The following KIAA0586 variants were observed in gnomAD, a reference collection of about 807,000 sequenced individuals.
The protein encoded by KIAA0586 is KIAA0586, also known as protein TALPID3.
Under a neutral mutation model 169.8 loss-of-function variants are expected in KIAA0586, and 144 were observed. That is an observed-to-expected ratio of 0.85 (90% CI 0.74 to 0.97). KIAA0586 has a LOEUF of 0.97. KIAA0586 is among the 50% of genes least tolerant of loss of function. The pLI is 0.00. For synonymous variants in KIAA0586, 625 were observed against 612.4 expected (o/e 1.02, Z -0.30); for missense variants, 1,854 against 1,823.0 (o/e 1.02, Z -0.31).
chr14:58,542,425 C>T (rs1420343649), intron 30 of KIAA0586, among the ~76,000 whole-genome samples: 1 of 150,640 alleles, frequency 6.6e-6, no homozygotes, highest in East Asian at 2.0e-4. Context: ...TGCAGTGAGC[C>T]AAGATCATGC....
At chr14:58,471,767 C>T (rs1033000286) in intron 17 of KIAA0586, among the ~76,000 whole-genome samples, 2 of 151,702 alleles carry the variant, frequency 1.3e-5, no homozygotes, top group Admixed American at 1.3e-4. Context: ...TATAATGAGG[C>T]CTAATGATTA....
chr14:58,438,228 G>A (rs529506644), intron 4 of KIAA0586, among the ~76,000 whole-genome samples: 11 of 152,058 alleles, frequency 7.2e-5, no homozygotes, highest in East Asian at 3.9e-4. Context: ...TTTATATGTC[G>A]TAGCTCTTTA....
At chr14:58,537,573 C>T (rs1234923312) in intron 29 of KIAA0586, among the ~76,000 whole-genome samples, 1 of 152,214 alleles carries the variant, frequency 6.6e-6, no homozygotes, top group East Asian at 1.9e-4. Context: ...TTCTGTCCCT[C>T]TCTAACTCTT....
intron 26 of KIAA0586, among the ~76,000 whole-genome samples, chr14:58,498,123 G>A (rs1054478418): frequency 2.6e-5 from 4 of 151,860 alleles, no homozygotes; most frequent in Non-Finnish European, 5.9e-5. Flanking sequence ...GTGATCCGCC[G>A]CCTCGGCCTC....
At chr14:58,462,163 TAGAA>T (rs1273436379) in intron 14 of KIAA0586, among the ~76,000 whole-genome samples, 2 of 152,082 alleles carry the variant, frequency 1.3e-5, no homozygotes, top group Non-Finnish European at 2.9e-5. Flanking sequence ...TAATTTAAAA[TAGAA>T]AGCATATAGC....
chr14:58,498,901 A>G lies in KIAA0586; in HGVS notation c.4109A>G (p.Gln1370Arg), dbSNP rs2043352191. The G allele has an allele frequency of 6.2e-7, 1 of 1,612,138 alleles. No individual in the cohort carries two copies. Among genetic ancestry groups the G allele is most frequent in the African/African-American group, 1.3e-5 (1 of 74,928 alleles). The part of the protein sequence containing the change: ...LYMQPPVTNT[Q>R]SLDQQCDPKP... ...ATGCAGCCACCTGTCACTAATACACAGTCTTTGGATCAACAATGTGATCCT... is the reference window on the plus strand; with the variant it reads ...ATGCAGCCACCTGTCACTAATACACGGTCTTTGGATCAACAATGTGATCCT... The change falls in exon 27 of 31, where the codon CAG becomes CGG. Residue 1370 changes from glutamine to arginine, a missense_variant. Gln to Arg is a conservative substitution (Grantham distance 43). Transcript: ENST00000652326.
intron 6 of KIAA0586, among the ~76,000 whole-genome samples, chr14:58,444,490 C>T (rs1231484092): frequency 7.2e-5 from 11 of 152,194 alleles, no homozygotes; most frequent in Admixed American, 2.0e-4. Context: ...GTAGTAGAAT[C>T]TCCAGTCACT....
At chr14:58,540,271 A>C in intron 30 of KIAA0586, 135 bp downstream of exon 30, 1 of 581,584 alleles carries the variant, frequency 1.7e-6, no homozygotes, top group Non-Finnish European at 3.0e-6. Flanking sequence ...TAATATCTGT[A>C]AATTCACCCC....
In KIAA0586 at chr14:58,467,904, T is replaced by A. The variant is rs771074140; in HGVS notation, c.2424T>A (p.Pro808=). 1.9e-6 allele frequency: 3 copies of A among 1,611,954 alleles called. No individual in the cohort carries two copies. Among genetic ancestry groups the A allele is most frequent in the East Asian group, 4.5e-5 (2 of 44,878 alleles). The change falls in exon 16 of 31, where the codon CCT becomes CCA. Residue 808 remains proline (P), a synonymous_variant. Transcript: ENST00000652326. ...IVEMKSEKKD[P]PQLTVQVLPS... ...AAATGAAGTCAGAAAAAAAGGATCC[T>A]CCTCAGCTTACTGTGCAGGTATGCC...
intron 1 of KIAA0586, 45 bp from the exon 2 acceptor site, chr14:58,429,318 G>A: frequency 8.7e-7 from 1 of 1,143,984 alleles, no homozygotes; most frequent in East Asian, 2.3e-5. Flanking sequence ...TAAAGCTAAG[G>A]ATCTGATTTT....
Position 58,482,671 on chromosome 14 carries a change from G to C in KIAA0586, c.3103G>C (p.Gly1035Arg). ...AAAGAAGCAAGGTCCTGTTGCTACA[G>C]GTGTTTCTGGGGATGCTTCAACAAA... ...EAKKQGPVAT[G>R]VSGDASTNET... is the part of the protein sequence containing the mutation. Residue 1035 changes from glycine to arginine, a missense_variant, in exon 21 of 31, where the codon GGT becomes CGT. By Grantham distance (125) the Gly-to-Arg change is moderately radical. Coordinates refer to ENST00000652326, the MANE Select transcript of KIAA0586 (RefSeq NM_001329943.3). 1 of 1,588,428 alleles carries C rather than the reference G, an allele frequency of 6.3e-7. No homozygotes were observed. Among genetic ancestry groups the C allele is most frequent in the Non-Finnish European group, 8.6e-7 (1 of 1,169,226 alleles).
chr14:58,460,944 A>C (rs762724629), intron 13 of KIAA0586, 42 bp from the exon 14 acceptor site: 5 of 1,417,842 alleles, frequency 3.5e-6, no homozygotes, highest in Non-Finnish European at 3.7e-6. Flanking sequence ...TAAGTGTTTG[A>C]TGACTGTTTT....
In KIAA0586 at chr14:58,444,092, G is replaced by C. The variant is rs1191368581; in HGVS notation, c.724G>C (p.Asp242His). ...QRKQEKLHCH[D>H]HEKQMNVFME... ...GAAACAAGAGAAATTACATTGTCAT[G>C]ATCACGAAAAGCAAATGAATGTGTT... is the stretch of plus-strand genomic sequence containing the variant. Residue 242 changes from aspartate (D) to histidine (H), a missense_variant, in exon 6 of 31, where the codon GAT becomes CAT. Coordinates refer to ENST00000652326, the MANE Select transcript of KIAA0586 (RefSeq NM_001329943.3). 1 of 1,613,684 alleles carries C rather than the reference G, an allele frequency of 6.2e-7. No homozygotes were observed. Among genetic ancestry groups the C allele is most frequent in the South Asian group, 1.1e-5 (1 of 91,006 alleles).
chr14:58,555,099 CTTTTTTTT>C (rs35845234), downstream of KIAA0586, among the ~76,000 whole-genome samples: 4 of 102,570 alleles, frequency 3.9e-5, no homozygotes, highest in South Asian at 3.4e-4. Context: ...TTCTTTCTTT[CTTTTTTTT>C]TTTTTTTTTT....
chr14:58,435,288 G>A (rs2037731792), intron 4 of KIAA0586, among the ~76,000 whole-genome samples: 1 of 152,120 alleles, frequency 6.6e-6, no homozygotes, highest in African/African-American at 2.4e-5. Flanking sequence ...TATGTGGCAA[G>A]CACTACAGTC....
chr14:58,443,265 T>A (rs182071459), intron 5 of KIAA0586, among the ~76,000 whole-genome samples: 1 of 152,260 alleles, frequency 6.6e-6, no homozygotes, highest in Non-Finnish European at 1.5e-5. Context: ...AGTAGGCCTA[T>A]GAGTCTAGAA....
At chr14:58,450,867 G>A (rs1352829629) in intron 8 of KIAA0586, 121 bp downstream of exon 8, 1 of 595,846 alleles carries the variant, frequency 1.7e-6, no homozygotes, top group Non-Finnish European at 2.9e-6. Flanking sequence ...GACCCTTGCT[G>A]GGAAAATCAA....
At chr14:58,442,903 T>G in intron 5 of KIAA0586, 23 bp downstream of exon 5, 1 of 1,556,690 alleles carries the variant, frequency 6.4e-7, no homozygotes, top group Non-Finnish European at 8.7e-7. Context: ...TCCCAGATAA[T>G]CATAACTACT....
At position 58,544,655 on chromosome 14, in the gene KIAA0586, C is replaced by T. The variant is rs565847964; in HGVS notation, c.4496-3126C>T. ...CTTTTATTCATATACTTGCTGGCCT[C>T]ATGTATGTGTTCTTTTGAAAAGTGT... On this transcript the variant is annotated intron_variant, in intron 30 of 30. Transcript: ENST00000652326. 4.3e-4 allele frequency among the ~76,000 whole-genome samples: 66 copies of T among 152,288 alleles called. No homozygotes were observed. In the South Asian group the frequency reaches 0.013, roughly 30 times the overall value.
Sources: allele counts gnomAD v4.1 joint callset (sites outside exome capture counted in the v4.1 genomes callset), GRCh38; gene constraint gnomAD v4.1.1; transcripts MANE v1.5; gene names NCBI Gene and HGNC (gene_info 2026-07-23, HGNC 2026-07-21).